The following DPP10 variants were observed in gnomAD, a reference collection of about 807,000 sequenced individuals.
The protein encoded by DPP10 is dipeptidyl peptidase like 10, also known as inactive dipeptidyl peptidase 10.
In DPP10, 33 loss-of-function variants were observed where a neutral mutation model predicts 120.9. The observed-to-expected ratio is 0.27, with a 90% CI of 0.21 to 0.37. DPP10 has a LOEUF of 0.37. DPP10 is among the 10% of genes least tolerant of loss of function. DPP10 has a pLI of 1.00. For synonymous variants in DPP10, 337 were observed against 326.1 expected (o/e 1.03, Z -0.36); for missense variants, 816 against 942.8 (o/e 0.87, Z 1.76).
chr2:115,073,259 CT>C (rs750567144), intron 1 of DPP10, among the ~76,000 whole-genome samples: 1 of 152,240 alleles, frequency 6.6e-6, no homozygotes, highest in East Asian at 1.9e-4. Context: ...TTTCCAAGTC[CT>C]ATCTTTACAT....
intron 1 of DPP10, among the ~76,000 whole-genome samples, chr2:114,527,800 A>C (rs1456585906): frequency 6.6e-6 from 1 of 152,170 alleles, no homozygotes; most frequent in Non-Finnish European, 1.5e-5. Flanking sequence ...ATTGCTCCTA[A>C]GATACAAACC....
rs1242477467 is a variant in DPP10 at position 114,653,021 on chromosome 2, A to T, written c.60+210183A>T. 2.2e-3 allele frequency among the ~76,000 whole-genome samples: 244 copies of T among 111,010 alleles called. 1 individual carries two copies. Among genetic ancestry groups the T allele is most frequent in the Middle Eastern group, 7.8e-3 (2 of 258 alleles). 72.8% of individuals were successfully genotyped at this position (111,010 alleles called of 152,430 possible). A position where few individuals can be genotyped will look rare whatever the true frequency, so the allele number is the denominator to read the frequency against. On this transcript the variant is annotated intron_variant, in intron 1 of 25. Coordinates refer to ENST00000410059, the MANE Select transcript of DPP10 (RefSeq NM_020868.6). ...GAGAGAGAGAGAGAAAGAGAGAGAG[A>T]GAGAGAGTGTGTGTGTGTGTGTGTG...
At chr2:115,199,772 C>A (rs1451184277) in intron 1 of DPP10, among the ~76,000 whole-genome samples, 1 of 152,002 alleles carries the variant, frequency 6.6e-6, no homozygotes, top group Non-Finnish European at 1.5e-5. Flanking sequence ...GCTTTTTCTT[C>A]ACTGTTTTTA....
At chr2:114,751,115 C>A (rs753226449) in intron 1 of DPP10, among the ~76,000 whole-genome samples, 4 of 152,154 alleles carry the variant, frequency 2.6e-5, no homozygotes, top group African/African-American at 4.8e-5. Flanking sequence ...TGCATGTGCG[C>A]AGAATGTGGA....
At chr2:115,141,706 T>A (rs919733055) in intron 1 of DPP10, among the ~76,000 whole-genome samples, 2 of 152,174 alleles carry the variant, frequency 1.3e-5, no homozygotes, top group Admixed American at 1.3e-4. Flanking sequence ...TATATACAGG[T>A]GTATTCTATT....
chr2:114,693,595 T>C (rs1331301172), intron 1 of DPP10, among the ~76,000 whole-genome samples: 2 of 151,948 alleles, frequency 1.3e-5, no homozygotes, highest in African/African-American at 4.8e-5. Context: ...ACTGGAGTTC[T>C]CTGAATTTCC....
chr2:115,624,358 G>A (rs1377085320), intron 5 of DPP10, among the ~76,000 whole-genome samples: 2 of 151,788 alleles, frequency 1.3e-5, no homozygotes, highest in East Asian at 1.9e-4. Flanking sequence ...TAACAGTATC[G>A]AAATGTTATC....
At chr2:115,000,012 A>G (rs1038587845) in intron 1 of DPP10, among the ~76,000 whole-genome samples, 2 of 22,080 alleles carry the variant, frequency 9.1e-5, no homozygotes, top group Non-Finnish European at 1.1e-4. Context: ...AATTCAACCA[A>G]TTAGTTTTTT....
At chr2:115,464,732 G>C (rs774340023) in intron 3 of DPP10, among the ~76,000 whole-genome samples, 3 of 152,144 alleles carry the variant, frequency 2.0e-5, no homozygotes, top group Non-Finnish European at 4.4e-5. Flanking sequence ...ATGGATTCCA[G>C]ACAGGTATAA....
chr2:114,843,390 C>G (rs1269165605), intron 1 of DPP10, among the ~76,000 whole-genome samples: 2 of 152,114 alleles, frequency 1.3e-5, no homozygotes, highest in African/African-American at 4.8e-5. Context: ...GAGTCCCTAT[C>G]TTCTTTGCAT....
At chr2:114,946,796 G>A (rs1697377830) in intron 1 of DPP10, among the ~76,000 whole-genome samples, 1 of 151,666 alleles carries the variant, frequency 6.6e-6, no homozygotes, top group African/African-American at 2.4e-5. Flanking sequence ...GATTATTCTA[G>A]CCTCATAGAA....
Position 115,006,686 on chromosome 2 carries a change from C to T in DPP10, c.61-302553C>T, listed in dbSNP as rs568925798. On this transcript the variant is annotated intron_variant, in intron 1 of 25. Coordinates refer to ENST00000410059, the MANE Select transcript of DPP10 (RefSeq NM_020868.6). ...GAGCTAACTATCCTAAATATATATG[C>T]ACCCAATACAGGAGCACCCAGATTC... is the stretch of plus-strand genomic sequence containing the variant. Among the ~76,000 whole-genome samples, 22 of 151,522 alleles carry T rather than the reference C, an allele frequency of 1.5e-4. No individual in the cohort carries two copies. The South Asian group carries it at 1.7e-3, about 12-fold the overall frequency.
intron 9 of DPP10, among the ~76,000 whole-genome samples, chr2:115,745,429 A>T (rs1231496142): frequency 6.6e-6 from 1 of 150,556 alleles, no homozygotes. Context: ...AAATTAAATT[A>T]TCCTTGCTAT....
intron 1 of DPP10, among the ~76,000 whole-genome samples, chr2:114,537,037 G>T (rs906928828): frequency 3.3e-5 from 5 of 152,132 alleles, no homozygotes; most frequent in Non-Finnish European, 4.4e-5. Flanking sequence ...CCTATGGATG[G>T]GAGATTTCAT....
intron 5 of DPP10, among the ~76,000 whole-genome samples, chr2:115,648,352 C>A (rs1005122866): frequency 6.6e-6 from 1 of 151,896 alleles, no homozygotes; most frequent in African/African-American, 2.4e-5. Context: ...ATCTGTTGTA[C>A]AACATGGTGA....
chr2:115,380,619 CGTTA>C (rs2066247300), intron 3 of DPP10, among the ~76,000 whole-genome samples: 1 of 145,364 alleles, frequency 6.9e-6, no homozygotes, highest in Non-Finnish European at 1.5e-5. Flanking sequence ...TTATTTTGCT[CGTTA>C]GTTGATGCAG....
intron 1 of DPP10, among the ~76,000 whole-genome samples, chr2:114,501,707 C>A (rs1282704099): frequency 6.6e-6 from 1 of 152,134 alleles, no homozygotes; most frequent in Non-Finnish European, 1.5e-5. Context: ...CAATATCTGT[C>A]ATCCTGCTTA....
At chr2:115,511,277 C>A (rs181532275) in intron 4 of DPP10, among the ~76,000 whole-genome samples, 1 of 152,034 alleles carries the variant, frequency 6.6e-6, no homozygotes, top group East Asian at 1.9e-4. Context: ...TGTTATAAGC[C>A]TATTCCAAAT....
chr2:115,283,106 C>G (rs906647979), intron 1 of DPP10, among the ~76,000 whole-genome samples: 1 of 151,942 alleles, frequency 6.6e-6, no homozygotes, highest in African/African-American at 2.4e-5. Flanking sequence ...CTAGCTCACT[C>G]TTTTCTATTC....
Sources: allele counts gnomAD v4.1 joint callset (sites outside exome capture counted in the v4.1 genomes callset), GRCh38; gene constraint gnomAD v4.1.1; transcripts MANE v1.5; gene names NCBI Gene and HGNC (gene_info 2026-07-23, HGNC 2026-07-21).